Variants in DAOA observed in about 807,000 individuals in gnomAD.
DAOA encodes D-amino acid oxidase activator, also known as D-amino acid oxidase regulator.
A neutral mutation model predicts 16.4 loss-of-function variants in DAOA; 15 were observed. That is an observed-to-expected ratio of 0.91 (90% confidence interval 0.61 to 1.41). DAOA has a LOEUF of 1.41. DAOA is among the 40% of genes most tolerant of loss of function. The pLI is 0.00. For missense variants in DAOA, 230 were observed against 176.8 expected (o/e 1.30, Z -1.71); for synonymous variants, 75 against 59.1 (o/e 1.27, Z -1.23).
Position 105,466,338 on chromosome 13 carries a change from T to C in DAOA, c.44+6T>C. 1 of 1,613,794 alleles carries C rather than the reference T, an allele frequency of 6.2e-7. No homozygotes were observed. The highest frequency in any genetic ancestry group is 8.5e-7 in the Non-Finnish European group (1 of 1,179,886). ...GATTCTCTCCAGCTTTTCAGGTAGG[T>C]AGCTTGGGGTTTTTTACAGCATGGC... On this transcript the variant is annotated splice_donor_region_variant and intron_variant, in intron 2 of 5. Transcript: ENST00000375936.
intron 4 of DAOA, among the ~76,000 whole-genome samples, chr13:105,473,092 G>T (rs1207175275): frequency 6.6e-6 from 1 of 151,920 alleles, no homozygotes; most frequent in African/African-American, 2.4e-5. Context: ...TGAAAAATAA[G>T]CCTGCCCATA....
chr13:105,472,253 A>G, intron 3 of DAOA, among the ~76,000 whole-genome samples: 1 of 152,196 alleles, frequency 6.6e-6, no homozygotes, highest in East Asian at 1.9e-4. Flanking sequence ...TTTTCGTGCC[A>G]TTTTGATATT....
At chr13:105,488,883 G>A (rs531359144) in intron 4 of DAOA, among the ~76,000 whole-genome samples, 2 of 152,098 alleles carry the variant, frequency 1.3e-5, no homozygotes, top group African/African-American at 2.4e-5. Flanking sequence ...CAATCAACAT[G>A]GCTTGACTGT....
At chr13:105,481,374 G>A (rs1333405203) in intron 4 of DAOA, among the ~76,000 whole-genome samples, 2 of 152,106 alleles carry the variant, frequency 1.3e-5, no homozygotes, top group African/African-American at 4.8e-5. Flanking sequence ...ACAGGTGAAT[G>A]GAGGAGCTAG....
chr13:105,472,555 G>C lies in DAOA; in HGVS notation c.151G>C (p.Gly51Arg), dbSNP rs758675229. The C allele has an allele frequency of 3.7e-6, 6 of 1,613,940 alleles. No homozygotes were observed. Among genetic ancestry groups the C allele is most frequent in the Non-Finnish European group, 4.2e-6 (5 of 1,179,894 alleles). The change falls in exon 4 of 6, where the codon GGA becomes CGA. Residue 51 changes from glycine to arginine, a missense_variant. Gly to Arg is a moderately radical substitution (Grantham distance 125, BLOSUM62 -2). Transcript: ENST00000375936. Reference sequence around the variant, plus strand: ...TGTTGCAGCAAAGGAGACAGAAGAAGGAAGAGAGACGGTAACAAGGAAAGA... The same window carrying C: ...TGTTGCAGCAAAGGAGACAGAAGAACGAAGAGAGACGGTAACAAGGAAAGA... ...LNSIAKETEE[G>R]RETVTRKEGW...
At chr13:105,483,616 G>C (rs1422251519) in intron 4 of DAOA, among the ~76,000 whole-genome samples, 1 of 151,962 alleles carries the variant, frequency 6.6e-6, no homozygotes, top group Admixed American at 6.6e-5. Context: ...ATGATATTGA[G>C]CATCTTTTCA....
intron 3 of DAOA, among the ~76,000 whole-genome samples, chr13:105,468,009 G>A (rs1341193099): frequency 6.6e-6 from 1 of 152,120 alleles, no homozygotes; most frequent in African/African-American, 2.4e-5. Context: ...CCATTCTCTT[G>A]CCTGCCCCAG....
At chr13:105,467,241 G>T in intron 3 of DAOA, 100 bp downstream of exon 3, 1 of 1,269,930 alleles carries the variant, frequency 7.9e-7, no homozygotes, top group Non-Finnish European at 1.1e-6. Context: ...TTCAAGCGTA[G>T]ACAAACTTCA....
At chr13:105,466,088 C>A in intron 1 of DAOA, 28 bp downstream of exon 1, 1 of 700,912 alleles carries the variant, frequency 1.4e-6, no homozygotes, top group Non-Finnish European at 2.3e-6. Context: ...ACATACATAA[C>A]AGTGAGCAAG....
chr13:105,489,826 G>C (rs114274270), intron 4 of DAOA, 75 bp from the exon 5 acceptor site: 1 of 1,613,270 alleles, frequency 6.2e-7, no homozygotes. Flanking sequence ...ACATGGGAAA[G>C]GTGATGACAC....
rs971118422 is a variant in DAOA, at chr13:105,466,955, C to A, written c.45-98C>A. 5.7e-6 allele frequency: 8 copies of A among 1,408,436 alleles called. No homozygotes were observed. In the African/African-American group the frequency reaches 7.2e-5, roughly 13 times the overall value. 87.2% of individuals were successfully genotyped at this position (1,408,436 alleles called of 1,614,324 possible). On this transcript the variant is annotated intron_variant, in intron 2 of 5. Transcript: ENST00000375936. ...GATTAAAAATATGAAAGTGCTAAACCATACATGTTATATGCTCCATTGATG... is the reference window on the plus strand; with the variant it reads ...GATTAAAAATATGAAAGTGCTAAACAATACATGTTATATGCTCCATTGATG...
At chr13:105,487,632 G>A (rs981809291) in intron 4 of DAOA, among the ~76,000 whole-genome samples, 1 of 150,178 alleles carries the variant, frequency 6.7e-6, no homozygotes, top group African/African-American at 2.4e-5. Flanking sequence ...TCTAATGCTA[G>A]AGGGAATAGA....
intron 4 of DAOA, among the ~76,000 whole-genome samples, chr13:105,487,040 T>C (rs1878159881): frequency 6.6e-6 from 1 of 152,090 alleles, no homozygotes; most frequent in African/African-American, 2.4e-5. Flanking sequence ...AAACCTTAGA[T>C]TATTGGATTA....
chr13:105,489,769 C>A (rs1347242217), intron 4 of DAOA, 132 bp from the exon 5 acceptor site: 2 of 1,585,650 alleles, frequency 1.3e-6, no homozygotes, highest in African/African-American at 1.3e-5. Context: ...TTTGTATAAC[C>A]CCTTACCCTT....
At chr13:105,476,536 A>G (rs1305924254) in intron 4 of DAOA, among the ~76,000 whole-genome samples, 1 of 151,636 alleles carries the variant, frequency 6.6e-6, no homozygotes, top group Non-Finnish European at 1.5e-5. Context: ...ATGAGGTACT[A>G]CAAAAAGGGA....
intron 4 of DAOA, among the ~76,000 whole-genome samples, chr13:105,486,234 C>A (rs186203068): frequency 6.6e-6 from 1 of 152,110 alleles, no homozygotes; most frequent in Non-Finnish European, 1.5e-5. Flanking sequence ...TTTCTTCATA[C>A]GCGCTCACTC....
intron 2 of DAOA, 86 bp downstream of exon 2, chr13:105,466,418 T>A (rs937289152): frequency 6.9e-6 from 11 of 1,598,660 alleles, no homozygotes; most frequent in East Asian, 2.2e-5. Flanking sequence ...AGGGTGAATG[T>A]TCCTGGAGAC....
intron 4 of DAOA, among the ~76,000 whole-genome samples, chr13:105,488,095 C>T (rs763561103): frequency 2.9e-4 from 44 of 152,138 alleles, no homozygotes; most frequent in Admixed American, 5.9e-4. Flanking sequence ...TTTTGGGAAG[C>T]TAACAGAGGT....
chr13:105,489,507 C>G (rs1318034527), intron 4 of DAOA, among the ~76,000 whole-genome samples: 1 of 152,194 alleles, frequency 6.6e-6, no homozygotes, highest in Non-Finnish European at 1.5e-5. Context: ...TTTTTCCCCT[C>G]AAAGACAAGT....
Sources: allele counts gnomAD v4.1 joint callset (sites outside exome capture counted in the v4.1 genomes callset), GRCh38; gene constraint gnomAD v4.1.1; transcripts MANE v1.5; gene names NCBI Gene and HGNC (gene_info 2026-07-23, HGNC 2026-07-21).